The following CHEK1 variants were observed in gnomAD, a reference collection of about 807,000 sequenced individuals.
CHEK1 encodes the protein checkpoint kinase 1, also known as serine/threonine-protein kinase Chk1.
CHEK1 carries 32 observed loss-of-function variants against 60.2 expected under a neutral mutation model. The ratio of observed to expected loss-of-function variants is 0.53; its 90% confidence interval spans 0.40 to 0.71. CHEK1 has a LOEUF of 0.71. Among genes scored for constraint, CHEK1 ranks in the 30% least tolerant of loss-of-function variants. The probability of loss-of-function intolerance (pLI) is 0.00; values close to 1 mark genes in which losing one functional copy is unlikely to be tolerated. For synonymous variants in CHEK1, 179 were observed against 187.2 expected (o/e 0.96, Z 0.36); for missense variants, 399 against 564.6 (o/e 0.71, Z 2.97).
intron 13 of CHEK1, chr11:125,672,826 T>G (rs781387943): frequency 1.9e-5 from 25 of 1,316,966 alleles, no homozygotes; most frequent in Non-Finnish European, 2.5e-5. Flanking sequence ...CCTCCACTTG[T>G]CCATTATCCC....
In CHEK1 at chr11:125,657,003, AAGAGT is replaced by A. The variant is rs1380667947; in HGVS notation, c.*1685_*1689del. 2 of 192,498 alleles carry A rather than the reference AAGAGT, an allele frequency of 1.0e-5. No homozygotes were observed. Among genetic ancestry groups the A allele is most frequent in the African/African-American group, 4.6e-5 (2 of 43,064 alleles). The allele number at this position is 192,498 out of a possible 1,614,324, so 11.9% of individuals were successfully genotyped here. A position where few individuals can be genotyped will look rare whatever the true frequency, so the allele number is the denominator to read the frequency against. On this transcript the variant is annotated 3_prime_UTR_variant, in exon 13 of 13. Coordinates refer to ENST00000438015, the MANE Select transcript of CHEK1 (RefSeq NM_001114122.3). ...AATCTTTAATGCTTTAATGTGTAGG[AAGAGT>A]ATAGTGTCCTGTTTTGCACAGAAAG...
chr11:125,633,307 ATGT>A lies in CHEK1; in HGVS notation c.571_573del (p.Val191del). On this transcript the variant is annotated inframe_deletion, in exon 6 of 13. Coordinates refer to ENST00000438015, the MANE Select transcript of CHEK1 (RefSeq NM_001114122.3). ...AGAGAATTTCATGCAGAACCAGTTG[ATGT>A]TTGGTCCTGTGGAATAGTACTTACT... is the stretch of plus-strand genomic sequence containing the variant. The A allele has an allele frequency of 6.2e-7, 1 of 1,605,332 alleles. No homozygotes were observed. The highest frequency in any genetic ancestry group is 8.5e-7 in the Non-Finnish European group (1 of 1,177,506).
downstream of CHEK1, chr11:125,677,684 G>A (rs1942576960): frequency 1.7e-5 from 23 of 1,386,028 alleles, no homozygotes; most frequent in Middle Eastern, 3.7e-4. Context: ...AGCTGTTTGT[G>A]AAGTGTTAAC....
chr11:125,672,835 C>T, intron 13 of CHEK1: 1 of 1,254,724 alleles, frequency 8.0e-7, no homozygotes, highest in Non-Finnish European at 1.1e-6. Context: ...GTCCATTATC[C>T]CTTCTCTTTC....
chr11:125,655,363 C>A lies in CHEK1; in HGVS notation c.*43C>A. On this transcript the variant is annotated 3_prime_UTR_variant, in exon 13 of 13. Transcript: ENST00000438015. ...GGGAATCCTGGTGAATATAGTGCTG[C>A]TATGTTGACATTATTCTTCCTAGAG... The A allele has an allele frequency of 7.4e-7, 1 of 1,343,304 alleles. No homozygotes were observed. The highest frequency in any genetic ancestry group is 1.1e-6 in the Non-Finnish European group (1 of 940,496). The allele number at this position is 1,343,304 out of a possible 1,614,324, so 83.2% of individuals were successfully genotyped here. A position where few individuals can be genotyped will look rare whatever the true frequency, so the allele number is the denominator to read the frequency against.
At chr11:125,660,400 CTTTTT>C (rs778341207), downstream of CHEK1, among the ~76,000 whole-genome samples, 26 of 151,774 alleles carry the variant, frequency 1.7e-4, no homozygotes, top group South Asian at 2.7e-3. Context: ...TCATTTTTTT[CTTTTT>C]TTAAGAGACA....
At chr11:125,644,936 A>G (rs1182006935) in intron 11 of CHEK1, among the ~76,000 whole-genome samples, 1 of 152,120 alleles carries the variant, frequency 6.6e-6, no homozygotes, top group Admixed American at 6.6e-5. Flanking sequence ...TGAACCTGGA[A>G]GACGGAAGTT....
At chr11:125,646,156 A>G (rs1387996828) in intron 11 of CHEK1, among the ~76,000 whole-genome samples, 1 of 151,882 alleles carries the variant, frequency 6.6e-6, no homozygotes, top group African/African-American at 2.4e-5. Context: ...TTCTTGCTCC[A>G]TTCCCAGACA....
chr11:125,672,659 G>C, intron 13 of CHEK1: 1 of 1,614,150 alleles, frequency 6.2e-7, no homozygotes, highest in Non-Finnish European at 8.5e-7. Context: ...CATGGGAGAA[G>C]AGGTTCATAG....
chr11:125,676,617 C>T, downstream of CHEK1: 1 of 1,111,778 alleles, frequency 9.0e-7, no homozygotes, highest in South Asian at 1.5e-5. Flanking sequence ...GGGATCTGGG[C>T]CCTGTGTCTG....
At chr11:125,631,956 G>T (rs1940882853) in intron 5 of CHEK1, among the ~76,000 whole-genome samples, 1 of 149,196 alleles carries the variant, frequency 6.7e-6, no homozygotes, top group East Asian at 2.0e-4. Context: ...CATATTGTGT[G>T]AATGTACTTG....
chr11:125,663,569 C>T (rs1054507507), intron 13 of CHEK1, among the ~76,000 whole-genome samples: 1 of 151,884 alleles, frequency 6.6e-6, no homozygotes, highest in African/African-American at 2.4e-5. Flanking sequence ...ATTAGACCTT[C>T]GTTGAATTAT....
chr11:125,639,765 G>A (rs759336025), intron 8 of CHEK1, among the ~76,000 whole-genome samples: 2 of 152,092 alleles, frequency 1.3e-5, no homozygotes, highest in African/African-American at 4.8e-5. Context: ...GAGAACTTAG[G>A]CAAGCTCCCA....
rs896789185 is a variant in CHEK1, at chr11:125,656,129, C to A, written c.*809C>A. 4.3e-5 allele frequency: 9 copies of A among 211,534 alleles called. No homozygotes were observed. The highest frequency in any genetic ancestry group is 2.2e-4 in the East Asian group (3 of 13,936). 13.1% of individuals were successfully genotyped at this position (211,534 alleles called of 1,614,324 possible). A position where few individuals can be genotyped will look rare whatever the true frequency, so the allele number is the denominator to read the frequency against. ...AGCTATAAGAAAAATAGATCTGATT[C>A]TTTGTTCCTTTACCTGTTAGACTTA... On this transcript the variant is annotated 3_prime_UTR_variant, in exon 13 of 13. Coordinates refer to ENST00000438015, the MANE Select transcript of CHEK1 (RefSeq NM_001114122.3).
At chr11:125,642,129 G>A (rs1168531770) in intron 8 of CHEK1, among the ~76,000 whole-genome samples, 1 of 152,062 alleles carries the variant, frequency 6.6e-6, no homozygotes, top group Non-Finnish European at 1.5e-5. Flanking sequence ...TTTCCCATGG[G>A]ACTTATTTGC....
intron 3 of CHEK1, among the ~76,000 whole-genome samples, chr11:125,628,384 CTAAATTTATAATT>C (rs917817271): frequency 6.6e-5 from 10 of 152,018 alleles, no homozygotes; most frequent in South Asian, 2.1e-4. Context: ...AAATCTGGAT[CTAAATTTATAATT>C]TAAATTTATA....
At chr11:125,676,351 C>T (rs1591437509), downstream of CHEK1, 2 of 1,614,042 alleles carry the variant, frequency 1.2e-6, no homozygotes, top group Non-Finnish European at 1.7e-6. Context: ...CATGAAGTCC[C>T]CATATACCTT....
intron 8 of CHEK1, among the ~76,000 whole-genome samples, chr11:125,639,544 T>A (rs528382281): frequency 6.6e-6 from 1 of 151,940 alleles, no homozygotes; most frequent in Non-Finnish European, 1.5e-5. Context: ...ACCTGGCTAA[T>A]TTTTATATTT....
At chr11:125,639,952 TTCTC>T (rs1403408390) in intron 8 of CHEK1, among the ~76,000 whole-genome samples, 5 of 152,208 alleles carry the variant, frequency 3.3e-5, no homozygotes, top group Admixed American at 1.3e-4. Flanking sequence ...TACCGGATCT[TTCTC>T]ATCAGCATAT....
Sources: allele counts gnomAD v4.1 joint callset (sites outside exome capture counted in the v4.1 genomes callset), GRCh38; gene constraint gnomAD v4.1.1; transcripts MANE v1.5; gene names NCBI Gene and HGNC (gene_info 2026-07-23, HGNC 2026-07-21).